Variants in IL1R1 observed in about 807,000 individuals in gnomAD.
IL1R1 encodes the protein interleukin 1 receptor type 1, also known as interleukin-1 receptor type 1.
Under a neutral mutation model 50.2 loss-of-function variants are expected in IL1R1, and 22 were observed. The ratio of observed to expected loss-of-function variants is 0.44; its 90% CI spans 0.31 to 0.63. IL1R1 has a LOEUF of 0.63. Ranked by LOEUF, IL1R1 falls within the 20% of genes least tolerant of loss-of-function variation. The pLI is 0.07. For missense variants in IL1R1, 509 were observed against 676.2 expected (o/e 0.75, Z 2.74); for synonymous variants, 251 against 236.7 (o/e 1.06, Z -0.55).
At chr2:102,115,803 T>C (rs1370480476) in intron 1 of IL1R1, among the ~76,000 whole-genome samples, 1 of 152,064 alleles carries the variant, frequency 6.6e-6, no homozygotes, top group Non-Finnish European at 1.5e-5. Context: ...TTAGGGAAAC[T>C]TGCAAGGAAA....
chr2:102,125,343 A>G (rs536904022), intron 1 of IL1R1, among the ~76,000 whole-genome samples: 4 of 152,362 alleles, frequency 2.6e-5, no homozygotes, highest in East Asian at 1.9e-4. Context: ...ATTTGCATCA[A>G]GAGTAATTCT....
At chr2:102,097,695 TA>T (rs1227635173) in intron 1 of IL1R1, among the ~76,000 whole-genome samples, 2 of 151,394 alleles carry the variant, frequency 1.3e-5, no homozygotes, top group Non-Finnish European at 3.0e-5. Flanking sequence ...AAAGAAAAAA[TA>T]AAAAAATCTG....
intron 1 of IL1R1, among the ~76,000 whole-genome samples, chr2:102,134,370 T>C (rs1682219252): frequency 1.4e-5 from 2 of 147,926 alleles, no homozygotes; most frequent in Non-Finnish European, 3.0e-5. Flanking sequence ...CACTACTTTC[T>C]TTCTTTTCTT....
chr2:102,091,308 T>C (rs886736554), intron 1 of IL1R1, among the ~76,000 whole-genome samples: 2 of 152,212 alleles, frequency 1.3e-5, no homozygotes, highest in Non-Finnish European at 1.5e-5. Flanking sequence ...TATGAGTGTA[T>C]GTACTTGACA....
At chr2:102,076,241 G>C (rs1341523358) in intron 1 of IL1R1, among the ~76,000 whole-genome samples, 1 of 147,066 alleles carries the variant, frequency 6.8e-6, no homozygotes, top group Non-Finnish European at 1.5e-5. Context: ...GCAGTGGTGT[G>C]ATCTCGGCTC....
chr2:102,073,705 C>A (rs1490067154), intron 1 of IL1R1, among the ~76,000 whole-genome samples: 2 of 152,306 alleles, frequency 1.3e-5, no homozygotes, highest in Non-Finnish European at 2.9e-5. Flanking sequence ...GACTCTTAAA[C>A]ATATGTCTGA....
At chr2:102,072,765 G>GT (rs1040934601) in intron 1 of IL1R1, among the ~76,000 whole-genome samples, 2 of 151,406 alleles carry the variant, frequency 1.3e-5, no homozygotes, top group African/African-American at 2.4e-5. Context: ...GCCAAACTTA[G>GT]TTTTTTTTTC....
At chr2:102,117,429 G>A (rs1485410572) in intron 1 of IL1R1, among the ~76,000 whole-genome samples, 1 of 152,174 alleles carries the variant, frequency 6.6e-6, no homozygotes, top group African/African-American at 2.4e-5. Flanking sequence ...GGCCTCTGCA[G>A]GCATGGACAT....
chr2:102,157,248 TATAAA>T (rs1684282143), intron 2 of IL1R1, among the ~76,000 whole-genome samples: 1 of 152,142 alleles, frequency 6.6e-6, no homozygotes, highest in African/African-American at 2.4e-5. Flanking sequence ...GATCTTGCAA[TATAAA>T]ATGAAGGCAT....
chr2:102,108,358 T>C (rs777529608), intron 1 of IL1R1, among the ~76,000 whole-genome samples: 7 of 152,150 alleles, frequency 4.6e-5, no homozygotes, highest in Non-Finnish European at 1.0e-4. Flanking sequence ...TTCCATTTTG[T>C]TGCTTATTTA....
intron 1 of IL1R1, among the ~76,000 whole-genome samples, chr2:102,136,276 G>A (rs1682333564): frequency 6.6e-6 from 1 of 152,036 alleles, no homozygotes; most frequent in African/African-American, 2.4e-5. Context: ...AACAAAGAAG[G>A]AATCAGTGGT....
intron 1 of IL1R1, among the ~76,000 whole-genome samples, chr2:102,105,940 C>A (rs565702083): frequency 3.9e-5 from 6 of 152,206 alleles, no homozygotes; most frequent in Non-Finnish European, 8.8e-5. Context: ...ATCCTTGATC[C>A]TCATAATTCC....
chr2:102,139,607 A>C (rs1279100990), upstream of IL1R1, among the ~76,000 whole-genome samples: 1 of 152,250 alleles, frequency 6.6e-6, no homozygotes, highest in African/African-American at 2.4e-5. Flanking sequence ...TAGATCCCTC[A>C]TGAATGGCTT....
At position 102,176,766 on chromosome 2, in the gene IL1R1, G is replaced by A. The variant is rs201413152; in HGVS notation, c.*7G>A. 8.9e-4 allele frequency: 1,433 copies of A among 1,611,616 alleles called. No individual in the cohort carries two copies. The highest frequency in any genetic ancestry group is 1.1e-3 in the Non-Finnish European group (1,350 of 1,178,100). ...TCACGTGCCTCTCGGGTAGCATGGA[G>A]AAGTTGCCAAGAGTTCTTTAGGTGC... On this transcript the variant is annotated 3_prime_UTR_variant, in exon 12 of 12. Coordinates refer to ENST00000410023, the MANE Select transcript of IL1R1 (RefSeq NM_000877.4).
At chr2:102,174,788 T>G in intron 10 of IL1R1, 58 bp downstream of exon 10, 1 of 1,429,076 alleles carries the variant, frequency 7.0e-7, no homozygotes, top group East Asian at 2.4e-5. Context: ...AGTTAGGAGA[T>G]GTAGAAGATG....
chr2:102,078,306 G>T (rs1476749505), intron 1 of IL1R1, among the ~76,000 whole-genome samples: 1 of 151,850 alleles, frequency 6.6e-6, no homozygotes, highest in Non-Finnish European at 1.5e-5. Flanking sequence ...AACAAAACTG[G>T]CAAAGCATTC....
intron 1 of IL1R1, among the ~76,000 whole-genome samples, chr2:102,082,932 G>A (rs1679278336): frequency 6.6e-6 from 1 of 152,066 alleles, no homozygotes; most frequent in Non-Finnish European, 1.5e-5. Flanking sequence ...TTCCTCTCAG[G>A]GACTGTACTC....
In IL1R1 at chr2:102,124,440, A is replaced by C. The variant is rs78137165; in HGVS notation, c.-84+19568A>C. Among the ~76,000 whole-genome samples, 26 of 139,830 alleles carry C rather than the reference A, an allele frequency of 1.9e-4. No homozygotes were observed. In the East Asian group the frequency reaches 4.3e-3, roughly 23 times the overall value. 91.7% of individuals were successfully genotyped at this position (139,830 alleles called of 152,430 possible). The stretch of plus-strand genomic sequence containing the variant: ...ATCTCCCCCCCACCACTGCCCCCCC[A>C]AAAAAGAAATACTTGAGACTGGGTA... On this transcript the variant is annotated intron_variant, in intron 1 of 10. Transcript: ENST00000409329.
Position 102,174,673 on chromosome 2 carries a change from A to C in IL1R1, c.1078A>C (p.Lys360Gln). Residue 360 changes from lysine to glutamine, a missense_variant, in exon 10 of 12, where the codon AAG (lysine) becomes CAG (glutamine). Coordinates refer to ENST00000410023, the MANE Select transcript of IL1R1 (RefSeq NM_000877.4). ...TTCTGTTTTCATCTATAAAATCTTC[A>C]AGATTGACATTGTGCTTTGGTACAG... ...VCSVFIYKIF[K>Q]IDIVLWYRDS... The C allele has an allele frequency of 1.2e-6, 2 of 1,612,472 alleles. No individual in the cohort carries two copies. Among genetic ancestry groups the C allele is most frequent in the African/African-American group, 1.3e-5 (1 of 74,962 alleles).
Sources: gnomAD v4.1 joint callset for allele counts (sites outside exome capture counted in the v4.1 genomes callset) on GRCh38, gnomAD v4.1.1 for gene constraint, MANE v1.5 for transcripts, NCBI Gene and HGNC (gene_info 2026-07-23, HGNC 2026-07-21) for gene names.